Variants in TMCO1 observed in about 807,000 individuals in gnomAD.
TMCO1 encodes calcium load-activated calcium channel.
TMCO1 carries 29 observed loss-of-function variants against 29.3 expected under a neutral mutation model. That is an observed-to-expected ratio of 0.99 (90% CI 0.74 to 1.35). TMCO1 has a LOEUF of 1.35. Ranked by LOEUF, TMCO1 falls within the 40% of genes most tolerant of loss-of-function variation. TMCO1 has a pLI of 0.00. For synonymous variants in TMCO1, 80 were observed against 77.1 expected, an observed-to-expected ratio of 1.04 and a Z score of -0.20; for missense variants, 173 against 225.5, an observed-to-expected ratio of 0.77 and a Z score of 1.49.
At chr1:165,746,853 A>G (rs61800453) in intron 5 of TMCO1, among the ~76,000 whole-genome samples, 3,897 of 152,320 alleles carry the variant, frequency 0.026, 85 homozygotes, top group Middle Eastern at 0.061. Flanking sequence ...AGAATTTGGA[A>G]AAGATGACAA....
chr1:165,759,921 A>G (rs1278955383), intron 2 of TMCO1, among the ~76,000 whole-genome samples: 1 of 152,228 alleles, frequency 6.6e-6, no homozygotes, highest in Non-Finnish European at 1.5e-5. Flanking sequence ...CTCTCAGATA[A>G]CTAGGGTTAA....
At chr1:165,732,293 G>GTGAAC (rs963490075) in intron 6 of TMCO1, among the ~76,000 whole-genome samples, 1 of 149,972 alleles carries the variant, frequency 6.7e-6, no homozygotes, top group African/African-American at 2.5e-5. Flanking sequence ...AAGTCAGAAA[G>GTGAAC]TGAACTGATA....
intron 5 of TMCO1, among the ~76,000 whole-genome samples, chr1:165,743,755 G>A (rs572135519): frequency 6.6e-6 from 1 of 151,996 alleles, no homozygotes; most frequent in Non-Finnish European, 1.5e-5. Context: ...CCGGGTTCAA[G>A]CGATATAAAA....
intron 6 of TMCO1, among the ~76,000 whole-genome samples, chr1:165,742,266 C>G (rs546990220): frequency 1.1e-3 from 157 of 147,972 alleles, no homozygotes; most frequent in Admixed American, 1.6e-3. Flanking sequence ...TCGGCTCCCC[C>G]CCTTTTCTTT....
intron 5 of TMCO1, among the ~76,000 whole-genome samples, chr1:165,750,827 T>G (rs1651966424): frequency 6.6e-6 from 1 of 152,016 alleles, no homozygotes; most frequent in South Asian, 2.1e-4. Flanking sequence ...CCCAGCACTT[T>G]GGGAGGCCTG....
intron 6 of TMCO1, among the ~76,000 whole-genome samples, chr1:165,729,319 C>CTTT (rs11298819): frequency 1.3e-4 from 17 of 133,792 alleles, no homozygotes; most frequent in African/African-American, 4.6e-4. Flanking sequence ...TCTCATAATT[C>CTTT]TTTTTTTTTT....
At chr1:165,742,488 C>T (rs185063857) in intron 6 of TMCO1, among the ~76,000 whole-genome samples, 13 of 152,284 alleles carry the variant, frequency 8.5e-5, no homozygotes, top group Admixed American at 8.5e-4. Context: ...GTCTCAAATT[C>T]CCGAGCTCAG....
chr1:165,768,014 C>A (rs142131691), intron 2 of TMCO1, among the ~76,000 whole-genome samples, 178 bp downstream of exon 2: 1 of 152,166 alleles, frequency 6.6e-6, no homozygotes, highest in African/African-American at 2.4e-5. Context: ...GTATCTGCTA[C>A]GCCCCTCACT....
At chr1:165,743,140 T>C in intron 6 of TMCO1, 27 bp downstream of exon 6, 2 of 1,612,966 alleles carry the variant, frequency 1.2e-6, no homozygotes, top group Non-Finnish European at 8.5e-7. Context: ...AAAATATACA[T>C]ATTAAATGGT....
At chr1:165,732,677 G>A (rs1166571006) in intron 6 of TMCO1, among the ~76,000 whole-genome samples, 1 of 152,042 alleles carries the variant, frequency 6.6e-6, no homozygotes, top group African/African-American at 2.4e-5. Flanking sequence ...GGTGGAGAAA[G>A]TTGATAGAGG....
chr1:165,760,691 C>T (rs1340405751), intron 2 of TMCO1, among the ~76,000 whole-genome samples: 1 of 152,034 alleles, frequency 6.6e-6, no homozygotes, highest in Non-Finnish European at 1.5e-5. Context: ...GTCCCAGCTA[C>T]TTGGGAGGCA....
chr1:165,768,217 T>C lies in TMCO1; in HGVS notation c.123A>G (p.Ala41=), dbSNP rs1050310069. ...YRTDKYKRLK[A]EVEKQSKKLE... is the part of the protein sequence containing the mutation. The stretch of plus-strand genomic sequence containing the variant: ...ATTTTTTACTCTGTTTTTCCACTTC[T>C]GCCTTCAGTCTCTTGTACTTGTCTG... The change falls in exon 2 of 7, where the codon GCA becomes GCG. Residue 41 remains alanine (A), a synonymous_variant. Transcript: ENST00000367881. 3 of 1,614,120 alleles carry C rather than the reference T, an allele frequency of 1.9e-6. No individual in the cohort carries two copies. The African/African-American group carries it at 4.0e-5, about 22-fold the overall frequency.
intron 2 of TMCO1, among the ~76,000 whole-genome samples, chr1:165,766,597 T>A (rs995486037): frequency 6.6e-6 from 1 of 151,848 alleles, no homozygotes; most frequent in African/African-American, 2.4e-5. Flanking sequence ...AGATCAGCCC[T>A]GGCAACAGAA....
chr1:165,732,049 C>T (rs1215074001), intron 6 of TMCO1, among the ~76,000 whole-genome samples: 2 of 152,182 alleles, frequency 1.3e-5, no homozygotes, highest in Non-Finnish European at 2.9e-5. Flanking sequence ...AGACAGATTT[C>T]CCCTGCTTTT....
Position 165,768,706 on chromosome 1 carries a change from C to A in TMCO1, c.46G>T (p.Val16Leu), listed in dbSNP as rs1412319588. 6.2e-7 allele frequency: 1 copy of A among 1,614,118 alleles called. No individual in the cohort carries two copies. The highest frequency in any genetic ancestry group is 8.5e-7 in the Non-Finnish European group (1 of 1,180,010). ...ADTLLIVFIS[V>L]CTALLAEGIT... ...CCCTCTGCGAGCAGAGCCGTGCACA[C>A]AGAGATAAAAACGATGAGGAGAGTG... Residue 16 changes from valine to leucine, a missense_variant, in exon 1 of 7, where the codon GTG becomes TTG. Val to Leu is a conservative substitution (Grantham distance 32). Transcript: ENST00000367881.
intron 2 of TMCO1, among the ~76,000 whole-genome samples, chr1:165,764,604 A>G (rs1282540375): frequency 6.6e-6 from 1 of 152,204 alleles, no homozygotes; most frequent in Admixed American, 6.5e-5. Context: ...GTAGGAAACC[A>G]TAAGACTAGC....
chr1:165,738,385 T>C (rs997982049), intron 6 of TMCO1, among the ~76,000 whole-genome samples: 9 of 152,332 alleles, frequency 5.9e-5, no homozygotes, highest in African/African-American at 1.7e-4. Context: ...AGTCTACAAT[T>C]TGAGTTTCTG....
intron 4 of TMCO1, among the ~76,000 whole-genome samples, chr1:165,753,570 C>G (rs73022561): frequency 0.013 from 2,008 of 150,478 alleles, 53 homozygotes; most frequent in African/African-American, 0.047. Context: ...GGATCCATCA[C>G]TTGAGCCCAG....
At chr1:165,752,455 C>T (rs1237993426) in intron 4 of TMCO1, among the ~76,000 whole-genome samples, 2 of 151,372 alleles carry the variant, frequency 1.3e-5, no homozygotes, top group East Asian at 2.0e-4. Context: ...TGGAGTTTCA[C>T]CGTGTTAGCC....
Sources: gnomAD v4.1 joint callset for allele counts (sites outside exome capture counted in the v4.1 genomes callset) on GRCh38, gnomAD v4.1.1 for gene constraint, MANE v1.5 for transcripts, NCBI Gene and HGNC (gene_info 2026-07-23, HGNC 2026-07-21) for gene names.